Variants in FBN2 observed in about 807,000 individuals in gnomAD.
FBN2 encodes fibrillin 2.
Under a neutral mutation model 355.6 loss-of-function variants are expected in FBN2, and 105 were observed. The observed-to-expected ratio is 0.30, with a 90% CI of 0.25 to 0.35. The LOEUF (loss-of-function observed/expected upper bound fraction) is 0.35. Among genes scored for constraint, FBN2 ranks in the 10% least tolerant of loss-of-function variants. The pLI is 1.00. For synonymous variants in FBN2, 1,350 were observed against 1,301.2 expected (o/e 1.04, Z -0.81); for missense variants, 3,280 against 3,758.7 (o/e 0.87, Z 3.33).
In FBN2 at chr5:128,319,020, AG is replaced by A. The variant is rs747513149; in HGVS notation, c.4472-20del. On this transcript the variant is annotated intron_variant, in intron 34 of 64. Transcript: ENST00000262464. ...TCAATATCTGAAGATTTTAAAAAAA[AG>A]TAATCTCTTATTTAAGAAGACATTT... The A allele has an allele frequency of 1.3e-6, 2 of 1,579,212 alleles. No homozygotes were observed. The highest frequency in any genetic ancestry group is 1.1e-5 in the South Asian group (1 of 90,284).
intron 5 of FBN2, among the ~76,000 whole-genome samples, chr5:128,473,561 G>C (rs1754931872): frequency 1.3e-5 from 2 of 152,144 alleles, no homozygotes; most frequent in South Asian, 4.1e-4. Flanking sequence ...TTCACTCCAA[G>C]TGCTTGTGTG....
At chr5:128,290,512 G>A (rs1351719380) in intron 50 of FBN2, among the ~76,000 whole-genome samples, 1 of 152,100 alleles carries the variant, frequency 6.6e-6, no homozygotes, top group Non-Finnish European at 1.5e-5. Context: ...TTGGAGGTGG[G>A]GAATGAAATA....
Position 128,263,578 on chromosome 5 carries a change from C to T in FBN2, c.8039G>A (p.Cys2680Tyr). The T allele has an allele frequency of 6.2e-7, 1 of 1,614,102 alleles. No homozygotes were observed. The highest frequency in any genetic ancestry group is 8.5e-7 in the Non-Finnish European group (1 of 1,179,996). Residue 2680 changes from cysteine (C) to tyrosine (Y), a missense_variant, in exon 63 of 65, where the codon TGC becomes TAC. This residue lies in a region of FBN2 where 311 missense variants were observed against 319.1 expected (regional missense o/e 0.97). Transcript: ENST00000262464. ...YNTLGSYKCA[C>Y]PSGFSFDQFS... The stretch of plus-strand genomic sequence containing the variant: ...CTGGTCGAAGGAGAACCCCGAGGGG[C>T]AGGCGCACTTGTAACTCCCCAGGGT...
chr5:128,479,205 G>C (rs928515187), intron 5 of FBN2, among the ~76,000 whole-genome samples: 1 of 152,044 alleles, frequency 6.6e-6, no homozygotes, highest in Non-Finnish European at 1.5e-5. Flanking sequence ...CTATTTGTAC[G>C]CAATTACAGT....
intron 61 of FBN2, among the ~76,000 whole-genome samples, chr5:128,272,736 A>C (rs1408490049): frequency 6.6e-6 from 1 of 151,896 alleles, no homozygotes; most frequent in African/African-American, 2.4e-5. Context: ...CTTTTTTGGA[A>C]TGACAACCGA....
At chr5:128,356,124 A>C (rs944009375) in intron 20 of FBN2, among the ~76,000 whole-genome samples, 3 of 152,124 alleles carry the variant, frequency 2.0e-5, no homozygotes, top group African/African-American at 4.8e-5. Flanking sequence ...GCTCCAACCC[A>C]CACACCCCAC....
At chr5:128,356,994 C>T (rs771197754) in intron 20 of FBN2, among the ~76,000 whole-genome samples, 4 of 152,086 alleles carry the variant, frequency 2.6e-5, no homozygotes, top group South Asian at 2.1e-4. Flanking sequence ...TTTAGGGTAA[C>T]GGATATACAT....
chr5:128,436,031 C>T (rs919296611), intron 7 of FBN2, among the ~76,000 whole-genome samples: 6 of 152,304 alleles, frequency 3.9e-5, no homozygotes, highest in Admixed American at 6.5e-5. Context: ...AGTGACGTCA[C>T]TTCAGTAATT....
Position 128,537,656 on chromosome 5 carries a change from G to A in FBN2, c.-53C>T, listed in dbSNP as rs1756896168. The A allele has an allele frequency of 6.4e-7, 1 of 1,553,198 alleles. No homozygotes were observed. Among genetic ancestry groups the A allele is most frequent in the African/African-American group, 1.4e-5 (1 of 73,954 alleles). On this transcript the variant is annotated 5_prime_UTR_variant, in exon 1 of 65. Coordinates refer to ENST00000262464, the MANE Select transcript of FBN2 (RefSeq NM_001999.4). ...GACCCGCGGAGAGGGAGTGATCAAA[G>A]ACAAAATCTGCGCGCCTCAGAAAAG...
intron 3 of FBN2, 152 bp downstream of exon 3, chr5:128,530,443 T>C: frequency 3.0e-6 from 2 of 657,590 alleles, no homozygotes; most frequent in Non-Finnish European, 5.5e-6. Flanking sequence ...TGCTATTCTG[T>C]AAAATGGGGT....
At chr5:128,318,363 G>A in intron 35 of FBN2, 92 bp from the exon 36 acceptor site, 1 of 1,307,076 alleles carries the variant, frequency 7.7e-7, no homozygotes, top group Non-Finnish European at 1.1e-6. Context: ...TTTTGCAAGT[G>A]AGTAGATTAA....
intron 8 of FBN2, among the ~76,000 whole-genome samples, chr5:128,399,549 G>T (rs1208879170): frequency 1.3e-5 from 2 of 152,128 alleles, no homozygotes; most frequent in African/African-American, 4.8e-5. Flanking sequence ...TGGAAGGTTT[G>T]AGATGCAGGA....
intron 62 of FBN2, among the ~76,000 whole-genome samples, chr5:128,265,527 G>T (rs1490007950): frequency 6.6e-6 from 1 of 152,116 alleles, no homozygotes; most frequent in Non-Finnish European, 1.5e-5. Context: ...ACTCAACTAT[G>T]TGTGAATTAT....
At chr5:128,263,358 G>T in intron 63 of FBN2, 67 bp downstream of exon 63, 1 of 1,184,154 alleles carries the variant, frequency 8.4e-7, no homozygotes, top group Non-Finnish European at 1.3e-6. Flanking sequence ...CCCTGCAGTG[G>T]GGGGTGGCCT....
intron 18 of FBN2, among the ~76,000 whole-genome samples, chr5:128,363,926 T>A (rs1323485817): frequency 6.6e-6 from 1 of 152,240 alleles, no homozygotes; most frequent in Non-Finnish European, 1.5e-5. Flanking sequence ...CCTTTTCTAA[T>A]CATAATCATT....
intron 8 of FBN2, among the ~76,000 whole-genome samples, 160 bp downstream of exon 8, chr5:128,408,514 A>G (rs1458131009): frequency 2.0e-5 from 3 of 152,222 alleles, no homozygotes; most frequent in African/African-American, 7.2e-5. Flanking sequence ...TGCAAAGAGT[A>G]CCTGGTCTAT....
At chr5:128,480,278 G>T (rs1755145112) in intron 5 of FBN2, among the ~76,000 whole-genome samples, 1 of 150,530 alleles carries the variant, frequency 6.6e-6, no homozygotes. Context: ...ATCTCAACAG[G>T]TAAGGTGTCA....
At position 128,338,962 on chromosome 5, in the gene FBN2, C is replaced by G. The variant is rs1431294208; in HGVS notation, c.3443G>C (p.Ser1148Thr). The G allele has an allele frequency of 1.2e-6, 2 of 1,613,978 alleles. No homozygotes were observed. The highest frequency in any genetic ancestry group is 1.7e-6 in the Non-Finnish European group (2 of 1,179,970). ...GCAGTTCTTCATCATCATGAAGCCA[C>G]TTTCATAGCCTTCGAAGCACTCGCA... ...FECECFEGYESGFMMMKNCMD... is the reference protein window; with the variant it reads ...FECECFEGYETGFMMMKNCMD... The change falls in exon 26 of 65, where the codon AGT becomes ACT. Residue 1148 changes from serine to threonine, a missense_variant. Ser to Thr is a moderately conservative substitution (Grantham distance 58). Around this residue, in one of 6 missense-constraint regions of FBN2, gnomAD observed 2,284 missense variants for 2,749.5 expected, o/e 0.83. Transcript: ENST00000262464.
At chr5:128,378,688 T>A in intron 12 of FBN2, 83 bp downstream of exon 12, 1 of 1,420,768 alleles carries the variant, frequency 7.0e-7, no homozygotes, top group Non-Finnish European at 9.9e-7. Flanking sequence ...ATTCCATGTT[T>A]TAATAAATTT....
Sources: gnomAD v4.1 joint callset for allele counts (sites outside exome capture counted in the v4.1 genomes callset) on GRCh38, gnomAD v4.1.1 for gene constraint, gnomAD v4.1.1 regional missense constraint, MANE v1.5 for transcripts, NCBI Gene and HGNC (gene_info 2026-07-23, HGNC 2026-07-21) for gene names.